AK9: variants seen among roughly 807,000 people sequenced by gnomAD.
The protein encoded by AK9 is adenylate kinase domain containing 1.
Under a neutral mutation model 239.6 loss-of-function variants are expected in AK9, and 191 were observed. The observed-to-expected ratio is 0.80, with a 90% CI of 0.71 to 0.90. The LOEUF is 0.90. AK9 is among the 40% of genes least tolerant of loss of function. The pLI is 0.00. For synonymous variants in AK9, 689 were observed against 721.0 expected, an observed-to-expected ratio of 0.96 and a Z score of 0.71; for missense variants, 1,995 against 2,214.7, an observed-to-expected ratio of 0.90 and a Z score of 1.99.
intron 32 of AK9, among the ~76,000 whole-genome samples, chr6:109,509,868 G>A (rs1277354725): frequency 6.6e-6 from 1 of 152,072 alleles, no homozygotes; most frequent in Non-Finnish European, 1.5e-5. Context: ...CCAGGTGCAG[G>A]ACCCAGGCAT....
At chr6:109,608,105 G>A (rs12528781) in intron 17 of AK9, among the ~76,000 whole-genome samples, 52,374 of 151,138 alleles carry the variant, frequency 0.35, 9,521 homozygotes, top group South Asian at 0.44. Flanking sequence ...GTGAAATTCC[G>A]TCTTTACTAA....
At chr6:109,627,480 T>A (rs2128262049) in intron 12 of AK9, among the ~76,000 whole-genome samples, 1 of 152,334 alleles carries the variant, frequency 6.6e-6, no homozygotes, top group East Asian at 1.9e-4. Context: ...TTTATACATC[T>A]GGCAGCACAG....
At chr6:109,496,868 T>C (rs1298192403) in intron 38 of AK9, among the ~76,000 whole-genome samples, 1 of 152,110 alleles carries the variant, frequency 6.6e-6, no homozygotes, top group Non-Finnish European at 1.5e-5. Flanking sequence ...CGGACCTCAC[T>C]TACAATCAGT....
Position 109,564,917 on chromosome 6 carries a change from A to G in AK9, c.2345-72T>C. On this transcript the variant is annotated intron_variant, in intron 21 of 40. Coordinates refer to ENST00000424296, the MANE Select transcript of AK9 (RefSeq NM_001145128.3). Reference sequence around the variant, plus strand: ...TTCCTTTATGAAAGTTTTGGCACAAAGAACATTTCAAAATATAGCTTAAAT... The same window carrying G: ...TTCCTTTATGAAAGTTTTGGCACAAGGAACATTTCAAAATATAGCTTAAAT... 4 of 1,186,302 alleles carry G rather than the reference A, an allele frequency of 3.4e-6. No homozygotes were observed. The South Asian group carries it at 6.6e-5, about 20-fold the overall frequency. The allele number at this position is 1,186,302 out of a possible 1,614,324, so 73.5% of individuals were successfully genotyped here.
rs190711418 is a variant in AK9 at position 109,689,731 on chromosome 6, G to C, written c.-12+1416C>G. On this transcript the variant is annotated intron_variant, in intron 1 of 40. Coordinates refer to ENST00000424296, the MANE Select transcript of AK9 (RefSeq NM_001145128.3). ...CCTTCAAAGTTTTGTCTTAGGATCTGATTCCGGGTGAAATAAACTAAGATA... is the reference window on the plus strand; with the variant it reads ...CCTTCAAAGTTTTGTCTTAGGATCTCATTCCGGGTGAAATAAACTAAGATA... 7.2e-5 allele frequency among the ~76,000 whole-genome samples: 11 copies of C among 152,312 alleles called. No homozygotes were observed. In the East Asian group the frequency reaches 2.1e-3, roughly 29 times the overall value.
chr6:109,587,972 A>G (rs1789728217), intron 17 of AK9, among the ~76,000 whole-genome samples: 1 of 152,138 alleles, frequency 6.6e-6, no homozygotes, highest in African/African-American at 2.4e-5. Flanking sequence ...CTTTGTAATA[A>G]TAGCTATTCT....
At chr6:109,623,539 G>A (rs991170853) in intron 12 of AK9, among the ~76,000 whole-genome samples, 2 of 152,060 alleles carry the variant, frequency 1.3e-5, no homozygotes, top group Admixed American at 1.3e-4. Flanking sequence ...AGCCCCAGAT[G>A]ACATCTTACC....
intron 25 of AK9, among the ~76,000 whole-genome samples, chr6:109,546,980 A>G (rs1470436573): frequency 6.6e-6 from 1 of 152,242 alleles, no homozygotes; most frequent in East Asian, 1.9e-4. Flanking sequence ...ATGGAAATAC[A>G]GTCAGGATTT....
intron 35 of AK9, among the ~76,000 whole-genome samples, chr6:109,503,210 A>G (rs1484262659): frequency 6.6e-6 from 1 of 151,948 alleles, no homozygotes; most frequent in Non-Finnish European, 1.5e-5. Flanking sequence ...ATAGTATTAT[A>G]ATACAAAGTA....
intron 5 of AK9, among the ~76,000 whole-genome samples, chr6:109,666,034 G>A (rs1801145016): frequency 6.6e-6 from 1 of 152,174 alleles, no homozygotes; most frequent in African/African-American, 2.4e-5. Context: ...CTTTACTGAT[G>A]GAAATGGCAG....
At position 109,585,960 on chromosome 6, in the gene AK9, A is replaced by C; in HGVS notation, c.1955T>G (p.Ile652Ser). ...TAAATAGATGACCAAATCAGGTATA[A>C]TTCCTTTCTTGATTAAGGCCATCCA... The part of the protein sequence containing the change: ...ELWMALIKKG[I>S]IPDLVIYLSD... The change falls in exon 18 of 41, where the codon ATT (isoleucine) becomes AGT (serine). Residue 652 changes from isoleucine (I) to serine (S), a missense_variant. By Grantham distance (142) the Ile-to-Ser change is moderately radical (BLOSUM62 -2). Around this residue, in one of 5 missense-constraint regions of AK9, gnomAD observed 1,290 missense variants for 1,392.7 expected, o/e 0.93. Coordinates refer to ENST00000424296, the MANE Select transcript of AK9 (RefSeq NM_001145128.3). The C allele has an allele frequency of 6.4e-7, 1 of 1,551,276 alleles. No individual in the cohort carries two copies.
At chr6:109,579,216 G>C (rs979179305) in intron 20 of AK9, 4 of 189,130 alleles carry the variant, frequency 2.1e-5, no homozygotes, top group Admixed American at 1.2e-4. Flanking sequence ...TCCAACAGCT[G>C]TGTGTCACCT....
intron 19 of AK9, 73 bp from the exon 20 acceptor site, chr6:109,579,699 T>C: frequency 8.1e-7 from 1 of 1,235,568 alleles, no homozygotes; most frequent in Non-Finnish European, 1.1e-6. Flanking sequence ...GATTAAATGC[T>C]TATAGTGTTA....
intron 12 of AK9, among the ~76,000 whole-genome samples, chr6:109,627,133 C>CTTTTTTTTTTTTTTTTTTTT (rs71018357): frequency 3.0e-5 from 2 of 67,308 alleles, no homozygotes; most frequent in East Asian, 5.2e-4. Context: ...GATGTTTAAG[C>CTTTTTTTTTTTTTTTTTTTT]TTTTTTTTTT....
Position 109,495,356 on chromosome 6 carries a change from C to T in AK9, c.5400G>A (p.Leu1800=), listed in dbSNP as rs769154274. The change falls in exon 39 of 41, where the codon TTG becomes TTA. Residue 1800 remains leucine (L), a synonymous_variant. Coordinates refer to ENST00000424296, the MANE Select transcript of AK9 (RefSeq NM_001145128.3). Reference sequence around the variant, plus strand: ...AAAGAACCTGTTCCAGATATCCAGGCAAAGGAAGACTAGTAAGAAGTATCG... The same window carrying T: ...AAAGAACCTGTTCCAGATATCCAGGTAAAGGAAGACTAGTAAGAAGTATCG... The part of the protein sequence containing the change: ...REPILLTSLP[L]PGYLEQGIAT... The T allele has an allele frequency of 6.2e-7, 1 of 1,612,712 alleles. No individual in the cohort carries two copies. The highest frequency in any genetic ancestry group is 8.5e-7 in the Non-Finnish European group (1 of 1,179,064).
chr6:109,620,526 T>C (rs541744164), intron 12 of AK9, among the ~76,000 whole-genome samples: 220 of 152,226 alleles, frequency 1.4e-3, no homozygotes, highest in African/African-American at 5.1e-3. Flanking sequence ...AGGTAGATAA[T>C]AGATTTAATA....
intron 20 of AK9, among the ~76,000 whole-genome samples, chr6:109,578,933 GT>G (rs1420746659): frequency 6.6e-6 from 1 of 152,166 alleles, no homozygotes; most frequent in Admixed American, 6.6e-5. Flanking sequence ...GCTGAGACCT[GT>G]TTTGTGGCCT....
chr6:109,640,854 C>T (rs996356344), intron 10 of AK9, among the ~76,000 whole-genome samples: 1 of 152,054 alleles, frequency 6.6e-6, no homozygotes, highest in Non-Finnish European at 1.5e-5. Context: ...CACATCAGTG[C>T]CAGGAACACA....
At chr6:109,539,652 G>A (rs11153186) in intron 27 of AK9, among the ~76,000 whole-genome samples, 31,581 of 152,152 alleles carry the variant, frequency 0.21, 3,460 homozygotes, top group South Asian at 0.34. Context: ...GCAAGGAGCT[G>A]TGTTCCTTTG....
Sources: gnomAD v4.1 joint callset for allele counts (sites outside exome capture counted in the v4.1 genomes callset) on GRCh38, gnomAD v4.1.1 for gene constraint, gnomAD v4.1.1 regional missense constraint, MANE v1.5 for transcripts, NCBI Gene and HGNC (gene_info 2026-07-23, HGNC 2026-07-21) for gene names.